TBC1D8: variants seen among roughly 807,000 people sequenced by gnomAD.
The protein encoded by TBC1D8 is BUB2-like protein 1.
TBC1D8 carries 65 observed loss-of-function variants against 118.8 expected under a neutral mutation model. The observed-to-expected ratio is 0.55, with a 90% confidence interval of 0.45 to 0.67. The LOEUF is 0.67. Ranked by LOEUF, TBC1D8 falls within the 30% of genes least tolerant of loss-of-function variation. TBC1D8 has a pLI of 0.00. For synonymous variants in TBC1D8, 566 were observed against 595.8 expected, an observed-to-expected ratio of 0.95 and a Z score of 0.73; for missense variants, 1,376 against 1,471.2, an observed-to-expected ratio of 0.94 and a Z score of 1.06.
Position 101,090,333 on chromosome 2 carries a change from C to A in TBC1D8, c.159G>T (p.Leu53Phe), listed in dbSNP as rs764116950. Residue 53 changes from leucine (L) to phenylalanine (F), a missense_variant, in exon 2 of 20, where the codon TTG becomes TTT. Transcript: ENST00000409318. ...GRLVGALDAV[L>F]DSNARVAPFR... Reference sequence around the variant, plus strand: ...ATGGAGCGACCCGTGCATTGGAATCCAACACTGCATCCAGAGCGCCGACCA... The same window carrying A: ...ATGGAGCGACCCGTGCATTGGAATCAAACACTGCATCCAGAGCGCCGACCA... 6.2e-7 allele frequency: 1 copy of A among 1,613,998 alleles called. No homozygotes were observed. The highest frequency in any genetic ancestry group is 1.7e-5 in the Admixed American group (1 of 60,024).
Position 101,151,273 on chromosome 2 carries a change from C to A in TBC1D8, c.-20G>T. The A allele has an allele frequency of 8.7e-7, 1 of 1,143,914 alleles. No individual in the cohort carries two copies. The highest frequency in any genetic ancestry group is 3.1e-5 in the South Asian group (1 of 31,784). 70.9% of individuals were successfully genotyped at this position (1,143,914 alleles called of 1,614,324 possible). ...CCACATCGCGGCGGTCCGGCCGCGCCCGCCGGCCCCAGCTCACATCTCCCC... is the reference window on the plus strand; with the variant it reads ...CCACATCGCGGCGGTCCGGCCGCGCACGCCGGCCCCAGCTCACATCTCCCC... On this transcript the variant is annotated 5_prime_UTR_variant, in exon 1 of 20. Transcript: ENST00000409318.
intron 2 of TBC1D8, among the ~76,000 whole-genome samples, chr2:101,079,754 C>T (rs1446622079): frequency 3.0e-5 from 4 of 132,272 alleles, no homozygotes; most frequent in East Asian, 2.4e-4. Context: ...GGTGCGATCT[C>T]GGCTCACTAC....
chr2:101,039,301 A>G (rs572376252), intron 6 of TBC1D8, among the ~76,000 whole-genome samples: 86 of 152,350 alleles, frequency 5.6e-4, no homozygotes, highest in African/African-American at 2.0e-3. Context: ...AAGTAAAAAT[A>G]TTTGTAAAAT....
intron 17 of TBC1D8, 51 bp from the exon 18 acceptor site, chr2:101,011,591 A>AACTG: frequency 6.3e-7 from 1 of 1,586,744 alleles, no homozygotes; most frequent in Non-Finnish European, 8.6e-7. Context: ...GCCTTACCAA[A>AACTG]ACTGACAGTA....
intron 2 of TBC1D8, among the ~76,000 whole-genome samples, chr2:101,082,011 C>T (rs989990490): frequency 2.6e-5 from 4 of 152,090 alleles, no homozygotes; most frequent in African/African-American, 4.8e-5. Flanking sequence ...TGGTGGCAGG[C>T]ACCGGTAATC....
chr2:101,036,155 A>G lies in TBC1D8; in HGVS notation c.1466T>C (p.Ile489Thr). 1.2e-6 allele frequency: 2 copies of G among 1,613,652 alleles called. No individual in the cohort carries two copies. The highest frequency in any genetic ancestry group is 1.7e-6 in the Non-Finnish European group (2 of 1,179,696). ...SPDSRMSREQIKISLWNDHFV... is the reference protein window; with the variant it reads ...SPDSRMSREQTKISLWNDHFV... ...GTGGTCATTCCACAGGCTTATTTTT[A>G]TCTGTTCTCTGGACTGGAAATGGGA... The change falls in exon 9 of 20, where the codon ATA (isoleucine) becomes ACA (threonine). Residue 489 changes from isoleucine to threonine, a missense_variant. By Grantham distance (89) the Ile-to-Thr change is moderately conservative. Coordinates refer to ENST00000409318, the MANE Select transcript of TBC1D8 (RefSeq NM_001330348.2).
intron 6 of TBC1D8, 92 bp from the exon 7 acceptor site, chr2:101,038,747 G>C (rs1681196205): frequency 6.5e-6 from 9 of 1,389,678 alleles, no homozygotes; most frequent in Admixed American, 5.2e-5. Context: ...CAGAGGGCAA[G>C]GCACAATCAC....
At chr2:101,061,183 G>A (rs142649973) in intron 2 of TBC1D8, among the ~76,000 whole-genome samples, 2,762 of 90,970 alleles carry the variant, frequency 0.03, 112 homozygotes, top group African/African-American at 0.11. Flanking sequence ...GCAAGACTCT[G>A]TCTCAAAAAA....
At chr2:101,146,545 A>G (rs1679324428) in intron 1 of TBC1D8, among the ~76,000 whole-genome samples, 1 of 152,190 alleles carries the variant, frequency 6.6e-6, no homozygotes, top group Non-Finnish European at 1.5e-5. Context: ...CTGGGTGGTG[A>G]TATTTGTTAT....
At chr2:101,110,091 A>T in intron 1 of TBC1D8, 2 of 905,358 alleles carry the variant, frequency 2.2e-6, no homozygotes, top group South Asian at 5.1e-5. Flanking sequence ...ATGTCAAGTG[A>T]CAAGTTTTAT....
Position 101,008,191 on chromosome 2 carries a change from G to A in TBC1D8, c.3098C>T (p.Ala1033Val). The change falls in exon 20 of 20, where the codon GCC (alanine) becomes GTC (valine). Residue 1033 changes from alanine (A) to valine (V), a missense_variant. By Grantham distance (64) the Ala-to-Val change is moderately conservative. Transcript: ENST00000409318. ...CTGCAGCAGCAGTGTGGTGACTGTG[G>A]CGATGGCTTGATACAAATCATTTTC... The part of the protein sequence containing the change: ...PEENDLYQAI[A>V]TVTTLLLQIG... 6.2e-7 allele frequency: 1 copy of A among 1,612,894 alleles called. No individual in the cohort carries two copies. Among genetic ancestry groups the A allele is most frequent in the Non-Finnish European group, 8.5e-7 (1 of 1,179,422 alleles).
chr2:101,021,733 A>G lies in TBC1D8; in HGVS notation c.2775T>C (p.Asn925=), dbSNP rs1210567436. 1 of 1,580,308 alleles carries G rather than the reference A, an allele frequency of 6.3e-7. No homozygotes were observed. Among genetic ancestry groups the G allele is most frequent in the East Asian group, 2.3e-5 (1 of 44,334 alleles). The change falls in exon 17 of 20, where the codon AAT becomes AAC. Residue 925 remains asparagine (N), a synonymous_variant. Coordinates refer to ENST00000409318, the MANE Select transcript of TBC1D8 (RefSeq NM_001330348.2). The stretch of plus-strand genomic sequence containing the variant: ...GTTTAATCTTCTCATTCATTTCTCC[A>G]TTATACATAATATCTGCAAAAAGTT... The part of the protein sequence containing the change: ...AFVSCLDIMY[N]GEMNEKIKLL...
At chr2:101,091,081 G>A (rs1458048927) in intron 1 of TBC1D8, among the ~76,000 whole-genome samples, 4 of 151,232 alleles carry the variant, frequency 2.6e-5, no homozygotes, top group South Asian at 2.1e-4. Flanking sequence ...TCAGGAGTTC[G>A]AGACCAGCCT....
At chr2:101,015,089 C>G (rs1679518887) in intron 17 of TBC1D8, among the ~76,000 whole-genome samples, 1 of 152,330 alleles carries the variant, frequency 6.6e-6, no homozygotes, top group Non-Finnish European at 1.5e-5. Context: ...CTGTAGCCTA[C>G]TACACACCTC....
intron 17 of TBC1D8, among the ~76,000 whole-genome samples, chr2:101,016,961 A>T (rs1346134181): frequency 6.6e-6 from 1 of 152,010 alleles, no homozygotes; most frequent in East Asian, 1.9e-4. Flanking sequence ...GCATTAGGAG[A>T]TATACCTAAT....
chr2:101,028,478 TACC>T (rs1680482316), intron 12 of TBC1D8, 46 bp from the exon 13 acceptor site: 2 of 1,517,484 alleles, frequency 1.3e-6, no homozygotes, highest in Non-Finnish European at 8.8e-7. Context: ...CTCATTCGGG[TACC>T]ACAACACGGG....
chr2:101,026,398 G>A (rs1482937447), intron 15 of TBC1D8, among the ~76,000 whole-genome samples: 1 of 152,164 alleles, frequency 6.6e-6, no homozygotes, highest in Non-Finnish European at 1.5e-5. Flanking sequence ...TGATGTGTAC[G>A]GGAGAAAGCG....
intron 2 of TBC1D8, among the ~76,000 whole-genome samples, chr2:101,081,925 G>A (rs1047305491): frequency 1.3e-5 from 2 of 152,170 alleles, no homozygotes; most frequent in African/African-American, 4.8e-5. Flanking sequence ...GATCATTTGA[G>A]GTCAGAAGTT....
chr2:101,151,052 G>A (rs892217050), intron 1 of TBC1D8, 75 bp downstream of exon 1: 2 of 956,454 alleles, frequency 2.1e-6, no homozygotes, highest in Non-Finnish European at 2.5e-6. Context: ...CGCAGCCCGG[G>A]ACTGGGGGCC....
Sources: gnomAD v4.1 joint callset for allele counts (sites outside exome capture counted in the v4.1 genomes callset) on GRCh38, gnomAD v4.1.1 for gene constraint, MANE v1.5 for transcripts, NCBI Gene and HGNC (gene_info 2026-07-23, HGNC 2026-07-21) for gene names.